The following C1GALT1 variants were observed in gnomAD, a reference collection of about 807,000 sequenced individuals.
C1GALT1 encodes the protein core 1 synthase, glycoprotein-N-acetylgalactosamine 3-beta-galactosyltransferase 1.
C1GALT1 carries 11 observed loss-of-function variants against 31.0 expected under a neutral mutation model. The ratio of observed to expected loss-of-function variants is 0.36; its 90% CI spans 0.22 to 0.59. C1GALT1 has a LOEUF of 0.59. Ranked by LOEUF, C1GALT1 falls within the 20% of genes least tolerant of loss-of-function variation. The pLI, the probability that C1GALT1 is intolerant of heterozygous loss-of-function variation, is 0.79. For synonymous variants in C1GALT1, 175 were observed against 143.6 expected (o/e 1.22, Z -1.56); for missense variants, 424 against 425.2 (o/e 1.00, Z 0.03).
At chr7:7,207,915 C>G (rs1332061454) in intron 1 of C1GALT1, among the ~76,000 whole-genome samples, 6 of 152,106 alleles carry the variant, frequency 3.9e-5, no homozygotes, top group African/African-American at 2.4e-5. Flanking sequence ...AATAGTCCCT[C>G]TTTATCCCTG....
intron 2 of C1GALT1, among the ~76,000 whole-genome samples, chr7:7,175,280 G>A (rs1388315146): frequency 6.6e-6 from 1 of 152,172 alleles, no homozygotes; most frequent in East Asian, 1.9e-4. Flanking sequence ...TTCCTCGAAT[G>A]CCAGAAGCTC....
At chr7:7,196,065 T>A (rs1217990499) in intron 1 of C1GALT1, among the ~76,000 whole-genome samples, 4 of 152,148 alleles carry the variant, frequency 2.6e-5, no homozygotes, top group Admixed American at 1.3e-4. Flanking sequence ...TGTAATTTAA[T>A]TTTATTTTTT....
At chr7:7,223,751 C>T (rs571162240) in intron 1 of C1GALT1, among the ~76,000 whole-genome samples, 3 of 152,188 alleles carry the variant, frequency 2.0e-5, no homozygotes, top group Non-Finnish European at 4.4e-5. Context: ...CCTTTTCATT[C>T]TCTTTTTTAT....
chr7:7,204,664 T>A (rs191276030), intron 1 of C1GALT1, among the ~76,000 whole-genome samples: 114 of 152,252 alleles, frequency 7.5e-4, no homozygotes, highest in African/African-American at 2.6e-3. Flanking sequence ...ATTGAGAACT[T>A]TCTTTTTGTT....
At chr7:7,221,892 GA>G (rs925760497) in intron 1 of C1GALT1, among the ~76,000 whole-genome samples, 1 of 152,152 alleles carries the variant, frequency 6.6e-6, no homozygotes, top group African/African-American at 2.4e-5. Context: ...GAAGTGTCTG[GA>G]AAATTTGCTT....
intron 3 of C1GALT1, among the ~76,000 whole-genome samples, chr7:7,239,128 C>G (rs1414144139): frequency 6.6e-6 from 1 of 152,184 alleles, no homozygotes; most frequent in Non-Finnish European, 1.5e-5. Context: ...GCTATTGATG[C>G]TGTTATATGC....
intron 1 of C1GALT1, among the ~76,000 whole-genome samples, chr7:7,230,771 GTTTT>G (rs765314293): frequency 2.8e-5 from 4 of 141,798 alleles, no homozygotes; most frequent in Non-Finnish European, 4.6e-5. Context: ...TTATTAATCA[GTTTT>G]TTTTTTTTAA....
intron 1 of C1GALT1, among the ~76,000 whole-genome samples, chr7:7,201,706 C>T (rs1781537922): frequency 6.6e-6 from 1 of 152,214 alleles, no homozygotes; most frequent in African/African-American, 2.4e-5. Context: ...AATTTCCAGG[C>T]AGCTGCTGAG....
intron 2 of C1GALT1, among the ~76,000 whole-genome samples, chr7:7,165,238 A>G (rs1328950469): frequency 6.6e-6 from 1 of 152,166 alleles, no homozygotes; most frequent in Non-Finnish European, 1.5e-5. Context: ...GTGTTAGAAG[A>G]TGGTGATCCT....
At chr7:7,236,808 G>A (rs1201558295) in intron 2 of C1GALT1, among the ~76,000 whole-genome samples, 5 of 152,152 alleles carry the variant, frequency 3.3e-5, no homozygotes, top group Admixed American at 1.3e-4. Context: ...ACAGGCCTGA[G>A]CCACTGTGCC....
chr7:7,163,860 A>G (rs934396651), intron 2 of C1GALT1, among the ~76,000 whole-genome samples: 1 of 151,636 alleles, frequency 6.6e-6, no homozygotes, highest in Non-Finnish European at 1.5e-5. Flanking sequence ...ATGGGTAGGA[A>G]GAATCAATAT....
intron 1 of C1GALT1, among the ~76,000 whole-genome samples, chr7:7,201,025 A>G (rs551322951): frequency 1.3e-5 from 2 of 152,340 alleles, no homozygotes; most frequent in African/African-American, 4.8e-5. Flanking sequence ...TTCTCCGTCC[A>G]GCTTTGTTCT....
At chr7:7,216,533 T>G (rs200747233) in intron 1 of C1GALT1, among the ~76,000 whole-genome samples, 4 of 15,822 alleles carry the variant, frequency 2.5e-4, no homozygotes, top group Non-Finnish European at 3.9e-4. Flanking sequence ...GGCTGTCACC[T>G]TTCGGGCAAG....
At chr7:7,228,587 CTA>C (rs761085403) in intron 1 of C1GALT1, among the ~76,000 whole-genome samples, 74 of 151,964 alleles carry the variant, frequency 4.9e-4, no homozygotes, top group Middle Eastern at 3.4e-3. Flanking sequence ...CATGAGATGG[CTA>C]TTTTATCCCA....
chr7:7,200,090 T>G (rs1781471594), intron 1 of C1GALT1, among the ~76,000 whole-genome samples: 1 of 152,234 alleles, frequency 6.6e-6, no homozygotes, highest in African/African-American at 2.4e-5. Context: ...ATTATGATGT[T>G]AGCTGGTTAT....
chr7:7,177,524 A>G (rs1051694570), intron 2 of C1GALT1, among the ~76,000 whole-genome samples: 4 of 152,136 alleles, frequency 2.6e-5, no homozygotes, highest in Non-Finnish European at 5.9e-5. Context: ...ACAGTTACAA[A>G]TTAATTCATG....
intron 1 of C1GALT1, among the ~76,000 whole-genome samples, chr7:7,232,277 C>T (rs976567236): frequency 2.6e-5 from 4 of 152,182 alleles, no homozygotes; most frequent in Admixed American, 6.5e-5. Flanking sequence ...AGAACCTAGT[C>T]AGCCATTCCA....
upstream of C1GALT1, among the ~76,000 whole-genome samples, chr7:7,179,121 C>G (rs908159118): frequency 6.6e-6 from 1 of 152,198 alleles, no homozygotes; most frequent in African/African-American, 2.4e-5. Context: ...TGTGAGCCTC[C>G]TTATAAGTTG....
chr7:7,167,714 C>T (rs1344830968), intron 2 of C1GALT1, among the ~76,000 whole-genome samples: 1 of 152,032 alleles, frequency 6.6e-6, no homozygotes, highest in Non-Finnish European at 1.5e-5. Flanking sequence ...CCTGATACTA[C>T]AGCTCTTTTC....
Sources: allele counts gnomAD v4.1 joint callset (sites outside exome capture counted in the v4.1 genomes callset), GRCh38; gene constraint gnomAD v4.1.1; transcripts MANE v1.5; gene names NCBI Gene and HGNC (gene_info 2026-07-23, HGNC 2026-07-21).